Variants in PRKCB observed in about 807,000 individuals in gnomAD.
PRKCB encodes protein kinase C beta, also known as protein kinase C beta type.
PRKCB carries 13 observed loss-of-function variants against 81.5 expected under a neutral mutation model. The ratio of observed to expected loss-of-function variants is 0.16; its 90% CI spans 0.10 to 0.25. PRKCB has a LOEUF of 0.25. PRKCB is among the 10% of genes least tolerant of loss of function. The pLI is 1.00. For synonymous variants in PRKCB, 335 were observed against 321.4 expected, an observed-to-expected ratio of 1.04 and a Z score of -0.45; for missense variants, 509 against 875.7, an observed-to-expected ratio of 0.58 and a Z score of 5.29.
chr16:23,873,771 C>A (rs1962951225), intron 2 of PRKCB, among the ~76,000 whole-genome samples: 1 of 152,176 alleles, frequency 6.6e-6, no homozygotes, highest in African/African-American at 2.4e-5. Context: ...TGAGCTGAGA[C>A]CTTAAGAGAT....
chr16:24,020,970 T>TTC, intron 3 of PRKCB, among the ~76,000 whole-genome samples: 1 of 120,566 alleles, frequency 8.3e-6, no homozygotes, highest in African/African-American at 3.2e-5. Flanking sequence ...TGAGAGAGAC[T>TTC]TTTCTTTTTC....
chr16:24,113,371 TCCTTCCTTCCTG>T lies in PRKCB; in HGVS notation c.918+314_918+325del, dbSNP rs574901467. Among the ~76,000 whole-genome samples the T allele has an allele frequency of 3.6e-3, 551 of 151,762 alleles. 1 individual carries two copies. The highest frequency in any genetic ancestry group is 5.7e-3 in the Non-Finnish European group (389 of 67,866). On this transcript the variant is annotated intron_variant, in intron 8 of 16. Coordinates refer to ENST00000643927, the MANE Select transcript of PRKCB (RefSeq NM_002738.7). ...ACCCCCCTTTTCTTTGTTTTTTCCT[TCCTTCCTTCCTG>T]CCTTCCTTCCTCTCTCTTTCTCTTT...
At chr16:23,945,228 G>C (rs922875939) in intron 2 of PRKCB, among the ~76,000 whole-genome samples, 1 of 152,142 alleles carries the variant, frequency 6.6e-6, no homozygotes, top group Non-Finnish European at 1.5e-5. Context: ...AACATGAAAG[G>C]CCTGGTCTTT....
At chr16:23,917,832 A>T (rs145932415) in intron 2 of PRKCB, among the ~76,000 whole-genome samples, 256 of 152,334 alleles carry the variant, frequency 1.7e-3, no homozygotes, top group Non-Finnish European at 2.5e-3. Flanking sequence ...TGATCTCGTA[A>T]AGCTGACTCA....
At chr16:23,983,760 G>C (rs1964768045) in intron 2 of PRKCB, among the ~76,000 whole-genome samples, 2 of 151,738 alleles carry the variant, frequency 1.3e-5, no homozygotes, top group Non-Finnish European at 2.9e-5. Flanking sequence ...CTGTCTCTTA[G>C]GCTGGAGTGC....
At chr16:24,005,836 G>T (rs1365114627) in intron 3 of PRKCB, among the ~76,000 whole-genome samples, 2 of 152,202 alleles carry the variant, frequency 1.3e-5, no homozygotes, top group African/African-American at 4.8e-5. Flanking sequence ...TAACAGTCAA[G>T]TGCACTTTTC....
rs115209033 is a variant in PRKCB at position 24,149,331 on chromosome 16, C to T, written c.1066-5353C>T. ...AACCTCTATAAAGTATCACTTCCTT[C>T]GTGCTATGGGGACAGCTCTCAAAAT... On this transcript the variant is annotated intron_variant, in intron 9 of 16. Coordinates refer to ENST00000643927, the MANE Select transcript of PRKCB (RefSeq NM_002738.7). Among the ~76,000 whole-genome samples the T allele has an allele frequency of 5.5e-3, 839 of 152,264 alleles. 6 individuals are homozygous for T. Among genetic ancestry groups the T allele is most frequent in the African/African-American group, 0.019 (808 of 41,556 alleles).
rs59106546 is a variant in PRKCB at position 24,053,810 on chromosome 16, T to C, written c.529+18263T>C. ...AAGAAACAGCAAGGAGGCTCGTGTG[T>C]CTAAGTGGGGCAAGTCAAGGGAAGG... is the stretch of plus-strand genomic sequence containing the variant. On this transcript the variant is annotated intron_variant, in intron 5 of 16. Coordinates refer to ENST00000643927, the MANE Select transcript of PRKCB (RefSeq NM_002738.7). 1.0e-2 allele frequency among the ~76,000 whole-genome samples: 1,520 copies of C among 152,010 alleles called. 41 individuals carry two copies. Among genetic ancestry groups the C allele is most frequent in the African/African-American group, 0.035 (1,456 of 41,454 alleles).
At chr16:24,104,441 G>A (rs1434288158) in intron 7 of PRKCB, among the ~76,000 whole-genome samples, 1 of 152,148 alleles carries the variant, frequency 6.6e-6, no homozygotes, top group Non-Finnish European at 1.5e-5. Context: ...GTGGCCTCAT[G>A]GAGTTTTCTT....
chr16:23,895,314 C>G (rs1371436696), intron 2 of PRKCB, among the ~76,000 whole-genome samples: 1 of 151,782 alleles, frequency 6.6e-6, no homozygotes, highest in Non-Finnish European at 1.5e-5. Context: ...CAGAGTGTCA[C>G]TGTTTTATTT....
At chr16:23,982,115 T>C (rs1280455251) in intron 2 of PRKCB, among the ~76,000 whole-genome samples, 6 of 40,278 alleles carry the variant, frequency 1.5e-4, no homozygotes, top group African/African-American at 2.5e-4. Flanking sequence ...CCCTTCCCTT[T>C]CCCTTCCCCT....
intron 3 of PRKCB, among the ~76,000 whole-genome samples, chr16:24,004,395 A>G (rs1301653778): frequency 6.6e-6 from 1 of 151,732 alleles, no homozygotes; most frequent in Non-Finnish European, 1.5e-5. Context: ...CAAAAAGCAT[A>G]AACGGGGGCA....
chr16:24,209,725 C>A (rs565396184), intron 16 of PRKCB, among the ~76,000 whole-genome samples: 1 of 152,200 alleles, frequency 6.6e-6, no homozygotes, highest in East Asian at 1.9e-4. Context: ...TTATCATAAC[C>A]ACCTCCTCAC....
chr16:24,000,061 A>AC lies in PRKCB; in HGVS notation c.288+11471_288+11472insC, dbSNP rs529170018. On this transcript the variant is annotated intron_variant, in intron 3 of 16. Coordinates refer to ENST00000643927, the MANE Select transcript of PRKCB (RefSeq NM_002738.7). The stretch of plus-strand genomic sequence containing the variant: ...AGAGAGCATCTCCCAACACTTTTTA[A>AC]GCCTTTGTATCATGTTTGCTAATGT... Among the ~76,000 whole-genome samples the AC allele has an allele frequency of 6.2e-4, 95 of 152,298 alleles. No homozygotes were observed. In the East Asian group the frequency reaches 0.015, roughly 24 times the overall value.
At chr16:23,995,606 T>G (rs1292421495) in intron 3 of PRKCB, among the ~76,000 whole-genome samples, 1 of 151,890 alleles carries the variant, frequency 6.6e-6, no homozygotes, top group African/African-American at 2.4e-5. Flanking sequence ...ATTAACTGGG[T>G]CTTATCTAAA....
chr16:24,034,301 G>T (rs976200370), intron 4 of PRKCB, among the ~76,000 whole-genome samples: 6 of 152,148 alleles, frequency 3.9e-5, no homozygotes, highest in African/African-American at 1.4e-4. Flanking sequence ...CCTGGGACTT[G>T]GGTGGTCTGA....
chr16:23,882,021 T>TTCTTTCTTCCTTCCTTCCTTCCTTCCTTC (rs1555481692), intron 2 of PRKCB, among the ~76,000 whole-genome samples: 2 of 55,592 alleles, frequency 3.6e-5, no homozygotes, highest in African/African-American at 1.2e-4. Flanking sequence ...TTTCTTTCTT[T>TTCTTTCTTCCTTCCTTCCTTCCTTCCTTC]CTTCCTTCCT....
In PRKCB at chr16:24,173,543, A is replaced by G. The variant is rs550893092; in HGVS notation, c.1332-975A>G. 5.9e-5 allele frequency among the ~76,000 whole-genome samples: 9 copies of G among 152,166 alleles called. No homozygotes were observed. In the South Asian group the frequency reaches 1.2e-3, roughly 21 times the overall value. On this transcript the variant is annotated intron_variant, in intron 11 of 16. Coordinates refer to ENST00000643927, the MANE Select transcript of PRKCB (RefSeq NM_002738.7). Reference sequence around the variant, plus strand: ...TGTGCTTCCAAATCTAGCCATTTGTATCTCCTGGCATGACTCTAATAGGAC... The same window carrying G: ...TGTGCTTCCAAATCTAGCCATTTGTGTCTCCTGGCATGACTCTAATAGGAC...
intron 3 of PRKCB, among the ~76,000 whole-genome samples, chr16:24,012,481 C>A (rs984403268): frequency 1.3e-5 from 2 of 152,224 alleles, no homozygotes; most frequent in African/African-American, 4.8e-5. Context: ...GGACAAGTAG[C>A]CTCTGGTCCT....
Sources: allele counts gnomAD v4.1 joint callset (sites outside exome capture counted in the v4.1 genomes callset), GRCh38; gene constraint gnomAD v4.1.1; transcripts MANE v1.5; gene names NCBI Gene and HGNC (gene_info 2026-07-23, HGNC 2026-07-21).